The following RASEF variants were observed in gnomAD, a reference collection of about 807,000 sequenced individuals.
The protein encoded by RASEF is RAS and EF-hand domain containing, also known as ras and EF-hand domain-containing protein.
A neutral mutation model predicts 90.1 loss-of-function variants in RASEF; 68 were observed. The ratio of observed to expected loss-of-function variants is 0.75; its 90% CI spans 0.62 to 0.92. The LOEUF (loss-of-function observed/expected upper bound fraction) is 0.92. Ranked by LOEUF, RASEF falls within the 40% of genes least tolerant of loss-of-function variation. The pLI is 0.00. For missense variants in RASEF, 949 were observed against 937.2 expected (o/e 1.01, Z -0.16); for synonymous variants, 331 against 345.2 (o/e 0.96, Z 0.46).
chr9:83,211,365 A>G, the RASEF span, among the ~76,000 whole-genome samples: 1 of 152,202 alleles, frequency 6.6e-6, no homozygotes, highest in Admixed American at 6.5e-5. Context: ...GCATGAAGTC[A>G]GCCAGACTCC....
chr9:83,079,623 G>C, the RASEF span, among the ~76,000 whole-genome samples: 2 of 152,032 alleles, frequency 1.3e-5, no homozygotes, highest in African/African-American at 4.8e-5. Context: ...TATGAGATTT[G>C]GGCATGGACA....
the RASEF span, among the ~76,000 whole-genome samples, chr9:83,113,222 A>C: frequency 6.6e-6 from 1 of 152,344 alleles, no homozygotes; most frequent in African/African-American, 2.4e-5. Context: ...CTTTACTGCA[A>C]TCTCTGAACA....
the RASEF span, among the ~76,000 whole-genome samples, chr9:83,165,569 A>G: frequency 6.6e-6 from 1 of 152,148 alleles, no homozygotes; most frequent in Non-Finnish European, 1.5e-5. Flanking sequence ...AAAATCAATT[A>G]TCTAAGCTCC....
intron 1 of RASEF, among the ~76,000 whole-genome samples, chr9:83,039,366 A>C (rs1829798320): frequency 1.3e-5 from 2 of 152,188 alleles, no homozygotes; most frequent in Non-Finnish European, 2.9e-5. Flanking sequence ...TTTGACCTGC[A>C]GCAGCTTCTC....
At chr9:83,059,471 A>G (rs1323804585) in intron 1 of RASEF, among the ~76,000 whole-genome samples, 1 of 152,176 alleles carries the variant, frequency 6.6e-6, no homozygotes, top group Non-Finnish European at 1.5e-5. Context: ...GAATCAAAGA[A>G]TACTGATTTA....
intron 16 of RASEF, among the ~76,000 whole-genome samples, chr9:82,988,095 G>A (rs1391037026): frequency 6.6e-6 from 1 of 152,218 alleles, no homozygotes; most frequent in African/African-American, 2.4e-5. Flanking sequence ...CTTCCATCCA[G>A]CTGTTCCCAG....
intron 1 of RASEF, among the ~76,000 whole-genome samples, chr9:83,028,988 G>C (rs1325772259): frequency 6.6e-6 from 1 of 152,106 alleles, no homozygotes; most frequent in Non-Finnish European, 1.5e-5. Context: ...GGCCCCAGAA[G>C]AAACCAACCC....
At position 83,025,862 on chromosome 9, in the gene RASEF, T is replaced by C; in HGVS notation, c.491A>G (p.Gln164Arg). The change falls in exon 2 of 17, where the codon CAG becomes CGG. Residue 164 changes from glutamine (Q) to arginine (R), a missense_variant. Physicochemically the swap from Gln to Arg is conservative, Grantham distance 43 (BLOSUM62 1). Transcript: ENST00000376447. ...GTTCTTTATAACATGTTCATATGGC[T>C]GAATTAATCTTGGCTCCACAAGGTT... ...NINLVEPRLI[Q>R]PYEHVIKNFI... 6.2e-7 allele frequency: 1 copy of C among 1,613,874 alleles called. No homozygotes were observed. Among genetic ancestry groups the C allele is most frequent in the Non-Finnish European group, 8.5e-7 (1 of 1,179,806 alleles).
rs1491156472 is a variant in RASEF, at chr9:83,003,224, CCA to C, written c.1202+1272_1202+1273del. Among the ~76,000 whole-genome samples the C allele has an allele frequency of 5.0e-3, 762 of 152,192 alleles. 4 individuals carry two copies. Among genetic ancestry groups the C allele is most frequent in the African/African-American group, 0.018 (729 of 41,532 alleles). On this transcript the variant is annotated intron_variant, in intron 9 of 16. Transcript: ENST00000376447. Reference sequence around the variant, plus strand: ...TTCTTATGTCAAAATAATCACCCCCCCACACACACCCAGAAGGGGCATGGTGT... The same window carrying C: ...TTCTTATGTCAAAATAATCACCCCCCCACACACCCAGAAGGGGCATGGTGT...
chr9:83,172,803 G>A, the RASEF span, among the ~76,000 whole-genome samples: 77,931 of 151,626 alleles, frequency 0.51, 20,244 homozygotes, highest in Middle Eastern at 0.61. Flanking sequence ...CATCACTATT[G>A]TGGCATTACA....
the RASEF span, among the ~76,000 whole-genome samples, chr9:83,167,559 A>G: frequency 6.6e-6 from 1 of 152,138 alleles, no homozygotes; most frequent in African/African-American, 2.4e-5. Context: ...CATTAAATGC[A>G]TACAATCAGA....
chr9:83,136,311 G>A, the RASEF span, among the ~76,000 whole-genome samples: 1 of 151,878 alleles, frequency 6.6e-6, no homozygotes, highest in South Asian at 2.1e-4. Flanking sequence ...GCATACCTTT[G>A]CGCAAAGTGA....
chr9:83,200,068 T>C, the RASEF span, among the ~76,000 whole-genome samples: 1 of 152,186 alleles, frequency 6.6e-6, no homozygotes, highest in African/African-American at 2.4e-5. Flanking sequence ...AGGATGCATA[T>C]GCACACACAT....
At chr9:83,058,563 T>C (rs1185467823) in intron 1 of RASEF, among the ~76,000 whole-genome samples, 3 of 152,172 alleles carry the variant, frequency 2.0e-5, no homozygotes, top group African/African-American at 7.2e-5. Flanking sequence ...TTAAGGGAGC[T>C]GTGAAGCAAC....
At chr9:83,129,132 A>G in the RASEF span, among the ~76,000 whole-genome samples, 1 of 152,170 alleles carries the variant, frequency 6.6e-6, no homozygotes, top group African/African-American at 2.4e-5. Flanking sequence ...TGGGGCCAAA[A>G]TGGTTCCACA....
chr9:83,205,651 T>C, the RASEF span, among the ~76,000 whole-genome samples: 1 of 152,264 alleles, frequency 6.6e-6, no homozygotes, highest in East Asian at 1.9e-4. Context: ...CTTCATCCTC[T>C]GGAGTAGGCA....
chr9:83,092,011 T>TTTTTTTTTTTTTTC, the RASEF span, among the ~76,000 whole-genome samples: 1 of 128,148 alleles, frequency 7.8e-6, no homozygotes, highest in African/African-American at 3.5e-5. Flanking sequence ...TTCTTTTTTT[T>TTTTTTTTTTTTTTC]TTTTTTTTTT....
chr9:83,198,842 GGGATAAATGTA>G, the RASEF span, among the ~76,000 whole-genome samples: 9 of 151,964 alleles, frequency 5.9e-5, no homozygotes, highest in South Asian at 8.3e-4. Flanking sequence ...ATGGGGGGGA[GGGATAAATGTA>G]GGGGAGGGAT....
chr9:83,158,537 C>A, the RASEF span, among the ~76,000 whole-genome samples: 1 of 149,812 alleles, frequency 6.7e-6, no homozygotes, highest in South Asian at 2.1e-4. Flanking sequence ...GCTTTCCACA[C>A]ACACACATAC....
Sources: gnomAD v4.1 joint callset for allele counts (sites outside exome capture counted in the v4.1 genomes callset) on GRCh38, gnomAD v4.1.1 for gene constraint, MANE v1.5 for transcripts, NCBI Gene and HGNC (gene_info 2026-07-23, HGNC 2026-07-21) for gene names.